CHTF8: variants seen among roughly 807,000 people sequenced by gnomAD.
The protein encoded by CHTF8 is chromosome transmission fidelity factor 8, also known as chromosome transmission fidelity protein 8 homolog.
CHTF8 carries 6 observed loss-of-function variants against 11.0 expected under a neutral mutation model. The observed-to-expected ratio is 0.55, with a 90% confidence interval of 0.30 to 1.08. The LOEUF (loss-of-function observed/expected upper bound fraction) is 1.08. Ranked by LOEUF, CHTF8 falls within the 50% of genes least tolerant of loss-of-function variation. The pLI is 0.07. For synonymous variants in CHTF8, 53 were observed against 60.5 expected, an observed-to-expected ratio of 0.88 and a Z score of 0.57; for missense variants, 140 against 153.1, an observed-to-expected ratio of 0.91 and a Z score of 0.45.
intron 1 of CHTF8, among the ~76,000 whole-genome samples, chr16:69,122,369 T>C (rs569414798): frequency 1.5e-4 from 23 of 151,994 alleles, no homozygotes; most frequent in African/African-American, 4.8e-4. Flanking sequence ...GATATTCTTT[T>C]TTTTTTTTTT....
rs372057899 is a variant in CHTF8, at chr16:69,127,662, T to C, written c.-36+4822A>G. ...TCTCCCTCTGTTGCCCAGGCTGGAGTGCAGTGGCTCGATCTCAGCTCATTG... is the reference window on the plus strand; with the variant it reads ...TCTCCCTCTGTTGCCCAGGCTGGAGCGCAGTGGCTCGATCTCAGCTCATTG... On this transcript the variant is annotated intron_variant, in intron 1 of 3. Transcript: ENST00000448552. 1.7e-4 allele frequency among the ~76,000 whole-genome samples: 24 copies of C among 142,718 alleles called. No individual in the cohort carries two copies. In the East Asian group the frequency reaches 4.7e-3, roughly 28 times the overall value. The allele number at this position is 142,718 out of a possible 152,430, so 93.6% of individuals were successfully genotyped here.
chr16:69,121,276 G>A, intron 2 of CHTF8, 106 bp from the exon 3 acceptor site: 5 of 1,299,972 alleles, frequency 3.8e-6, no homozygotes, highest in Non-Finnish European at 4.3e-6. Context: ...TGGATGTCAA[G>A]TTCTTGGGAA....
Position 69,118,570 on chromosome 16 carries a change from C to A in CHTF8, c.*1855G>T. On this transcript the variant is annotated 3_prime_UTR_variant, in exon 4 of 4. Coordinates refer to ENST00000448552, the MANE Select transcript of CHTF8 (RefSeq NM_001039690.5). ...AACAATTCAAGAAACTAGTAAGAAA[C>A]AATGGGCAGAAAGCTGTGGGACGAA... 1.3e-6 allele frequency: 1 copy of A among 763,080 alleles called. No homozygotes were observed. The highest frequency in any genetic ancestry group is 2.4e-6 in the Non-Finnish European group (1 of 424,840). 47.3% of individuals were successfully genotyped at this position (763,080 alleles called of 1,614,324 possible).
chr16:69,119,077 G>A lies in CHTF8; in HGVS notation c.*1348C>T. The A allele has an allele frequency of 2.8e-6, 2 of 703,068 alleles. No individual in the cohort carries two copies. The highest frequency in any genetic ancestry group is 5.2e-6 in the Non-Finnish European group (2 of 385,028). The allele number at this position is 703,068 out of a possible 1,614,324, so 43.6% of individuals were successfully genotyped here. ...GATACCCACAGGGCCAGCTGGAGAA[G>A]GGCCCAGATGCCCGGCAGCTGGCCT... On this transcript the variant is annotated 3_prime_UTR_variant, in exon 4 of 4. Coordinates refer to ENST00000448552, the MANE Select transcript of CHTF8 (RefSeq NM_001039690.5).
Position 69,120,329 on chromosome 16 carries a change from C to G in CHTF8, c.*96G>C, listed in dbSNP as rs1567588185. Reference sequence around the variant, plus strand: ...TGGCCTGTGTTCAGAACAGGACCCCCCTGTGGTCCCAGGGAACCGTCGAGC... The same window carrying G: ...TGGCCTGTGTTCAGAACAGGACCCCGCTGTGGTCCCAGGGAACCGTCGAGC... On this transcript the variant is annotated 3_prime_UTR_variant, in exon 4 of 4. Coordinates refer to ENST00000448552, the MANE Select transcript of CHTF8 (RefSeq NM_001039690.5). The surrounding 1 kb of genome is among the most constrained non-coding windows in gnomAD (Gnocchi z 4.0). 12 of 1,210,574 alleles carry G rather than the reference C, an allele frequency of 9.9e-6. No individual in the cohort carries two copies. Among genetic ancestry groups the G allele is most frequent in the Middle Eastern group, 1.9e-4 (1 of 5,342 alleles). The allele number at this position is 1,210,574 out of a possible 1,614,324, so 75.0% of individuals were successfully genotyped here.
At chr16:69,128,001 G>A (rs891148843) in intron 1 of CHTF8, among the ~76,000 whole-genome samples, 5 of 151,816 alleles carry the variant, frequency 3.3e-5, no homozygotes, top group African/African-American at 4.8e-5. Flanking sequence ...TGCAACCTCC[G>A]CTGCCCAGGA....
At chr16:69,123,877 C>G (rs1355795691) in intron 1 of CHTF8, among the ~76,000 whole-genome samples, 2 of 144,072 alleles carry the variant, frequency 1.4e-5, no homozygotes, top group African/African-American at 5.2e-5. Context: ...CACCTGAGGT[C>G]AGGAGTTTGA....
chr16:69,124,029 G>C (rs1330367759), intron 1 of CHTF8, among the ~76,000 whole-genome samples: 2 of 151,730 alleles, frequency 1.3e-5, no homozygotes, highest in Non-Finnish European at 2.9e-5. Flanking sequence ...AGTGGAACCT[G>C]GGAGATAAAG....
chr16:69,131,536 T>G (rs1013717022), intron 1 of CHTF8: 1 of 130,702 alleles, frequency 7.7e-6, no homozygotes, highest in Non-Finnish European at 1.6e-5. Context: ...CCACCCTTTC[T>G]GCTAGAGCTA....
At chr16:69,128,571 A>G (rs1010066595) in intron 1 of CHTF8, among the ~76,000 whole-genome samples, 3 of 152,162 alleles carry the variant, frequency 2.0e-5, no homozygotes, top group African/African-American at 7.2e-5. Context: ...CTGTATTCCT[A>G]AGTTAGTCAA....
In CHTF8 at chr16:69,120,185, T is replaced by C. The variant is rs1961527779; in HGVS notation, c.*240A>G. 1 of 701,724 alleles carries C rather than the reference T, an allele frequency of 1.4e-6. No individual in the cohort carries two copies. The highest frequency in any genetic ancestry group is 1.7e-5 in the African/African-American group (1 of 57,216). The allele number at this position is 701,724 out of a possible 1,614,324, so 43.5% of individuals were successfully genotyped here. A position where few individuals can be genotyped will look rare whatever the true frequency, so the allele number is the denominator to read the frequency against. ...GCACCAGCCGGGAAAGGTGCTGGAT[T>C]TGAAGCCAATGAGCCTGATGAAGCT... is the stretch of plus-strand genomic sequence containing the variant. On this transcript the variant is annotated 3_prime_UTR_variant, in exon 4 of 4. Coordinates refer to ENST00000448552, the MANE Select transcript of CHTF8 (RefSeq NM_001039690.5). This position sits in a 1 kb window ranked among gnomAD's most constrained non-coding sequence, Gnocchi z 4.0.
intron 1 of CHTF8, among the ~76,000 whole-genome samples, chr16:69,124,499 C>G (rs1961919068): frequency 6.6e-6 from 1 of 151,994 alleles, no homozygotes; most frequent in South Asian, 2.1e-4. Context: ...TCTCGGCTCA[C>G]CACAACCTTC....
At chr16:69,124,621 C>T (rs546285329) in intron 1 of CHTF8, among the ~76,000 whole-genome samples, 4 of 151,784 alleles carry the variant, frequency 2.6e-5, no homozygotes, top group Non-Finnish European at 5.9e-5. Context: ...GTGATCCACC[C>T]GCCTCAGCCT....
chr16:69,121,420 C>A lies in CHTF8; in HGVS notation c.23+16G>T, dbSNP rs1333528700. 1 of 1,598,780 alleles carries A rather than the reference C, an allele frequency of 6.3e-7. No individual in the cohort carries two copies. ...ATCATTTCAAGCCAAATTTTAAAATCTCAAAATGTACTTACCTGGAAATAA... is the reference window on the plus strand; with the variant it reads ...ATCATTTCAAGCCAAATTTTAAAATATCAAAATGTACTTACCTGGAAATAA... On this transcript the variant is annotated intron_variant, in intron 2 of 3. Coordinates refer to ENST00000448552, the MANE Select transcript of CHTF8 (RefSeq NM_001039690.5).
Position 69,119,984 on chromosome 16 carries a change from C to G in CHTF8, c.*441G>C. ...GACATAGGACCTGGTCCTGGGAGAC[C>G]CCCTAACCTGGGGTTAGACAGAGGC... On this transcript the variant is annotated 3_prime_UTR_variant, in exon 4 of 4. Transcript: ENST00000448552. The G allele has an allele frequency of 1.4e-6, 1 of 696,936 alleles. No homozygotes were observed. The highest frequency in any genetic ancestry group is 2.6e-6 in the Non-Finnish European group (1 of 380,478). 43.2% of individuals were successfully genotyped at this position (696,936 alleles called of 1,614,324 possible).
Position 69,119,230 on chromosome 16 carries a change from G to T in CHTF8, c.*1195C>A, listed in dbSNP as rs1292063601. 1.4e-6 allele frequency: 1 copy of T among 702,864 alleles called. No individual in the cohort carries two copies. The highest frequency in any genetic ancestry group is 2.6e-6 in the Non-Finnish European group (1 of 384,982). The allele number at this position is 702,864 out of a possible 1,614,324, so 43.5% of individuals were successfully genotyped here. ...GGGGCCAAGTGGCCCAGAGGCTCTT[G>T]GGAAAATGGTTGGATTTGAGCCCTG... On this transcript the variant is annotated 3_prime_UTR_variant, in exon 4 of 4. Transcript: ENST00000448552.
Position 69,119,014 on chromosome 16 carries a change from C to T in CHTF8, c.*1411G>A, listed in dbSNP as rs529513152. On this transcript the variant is annotated 3_prime_UTR_variant, in exon 4 of 4. Coordinates refer to ENST00000448552, the MANE Select transcript of CHTF8 (RefSeq NM_001039690.5). ...CCTTGGAAAGGAAGCTGGGTTGAGA[C>T]CCAGGGTCCCAGTTGGCCTTGTGAA... 9.5e-5 allele frequency: 67 copies of T among 702,952 alleles called. No homozygotes were observed. Among genetic ancestry groups the T allele is most frequent in the Non-Finnish European group, 1.5e-4 (58 of 385,034 alleles). The allele number at this position is 702,952 out of a possible 1,614,324, so 43.5% of individuals were successfully genotyped here. A position where few individuals can be genotyped will look rare whatever the true frequency, so the allele number is the denominator to read the frequency against.
chr16:69,122,365 CTTT>C (rs869246617), intron 1 of CHTF8, among the ~76,000 whole-genome samples: 6 of 140,426 alleles, frequency 4.3e-5, no homozygotes, highest in African/African-American at 1.0e-4. Flanking sequence ...TAAGGATATT[CTTT>C]TTTTTTTTTT....
In CHTF8 at chr16:69,121,508, A is replaced by G; in HGVS notation, c.-35-15T>C. ...GTGAAAACAAGCTGTAGAGAGAAAA[A>G]AAGAGATTTAGGGTAATAACAACAA... On this transcript the variant is annotated splice_polypyrimidine_tract_variant and intron_variant, in intron 1 of 3. Transcript: ENST00000448552. The G allele has an allele frequency of 6.6e-7, 1 of 1,519,946 alleles. No homozygotes were observed. The allele number at this position is 1,519,946 out of a possible 1,614,324, so 94.2% of individuals were successfully genotyped here. A position where few individuals can be genotyped will look rare whatever the true frequency, so the allele number is the denominator to read the frequency against.
Sources: allele counts gnomAD v4.1 joint callset (sites outside exome capture counted in the v4.1 genomes callset), GRCh38; gene constraint gnomAD v4.1.1; non-coding constraint Gnocchi (gnomAD v3.1); transcripts MANE v1.5; gene names NCBI Gene and HGNC (gene_info 2026-07-23, HGNC 2026-07-21).